The following DLGAP1 variants were observed in gnomAD, a reference collection of about 807,000 sequenced individuals.
The protein encoded by DLGAP1 is DLG associated protein 1.
In DLGAP1, 11 loss-of-function variants were observed where a neutral mutation model predicts 90.8. That is an observed-to-expected ratio of 0.12 (90% CI 0.08 to 0.20). The LOEUF (loss-of-function observed/expected upper bound fraction) is 0.20. Ranked by LOEUF, DLGAP1 falls within the 10% of genes least tolerant of loss-of-function variation. The pLI, the probability that DLGAP1 is intolerant of heterozygous loss-of-function variation, is 1.00. For synonymous variants in DLGAP1, 558 were observed against 540.7 expected, an observed-to-expected ratio of 1.03 and a Z score of -0.44; for missense variants, 1,050 against 1,333.8, an observed-to-expected ratio of 0.79 and a Z score of 3.31.
At position 3,619,314 on chromosome 18, in the gene DLGAP1, C is replaced by G. The variant is rs115158541; in HGVS notation, c.1592-37066G>C. Among the ~76,000 whole-genome samples, 589 of 152,316 alleles carry G rather than the reference C, an allele frequency of 3.9e-3. 1 individual carries two copies. The highest frequency in any genetic ancestry group is 0.013 in the African/African-American group (559 of 41,564). On this transcript the variant is annotated intron_variant, in intron 7 of 12. Transcript: ENST00000315677. The stretch of plus-strand genomic sequence containing the variant: ...AGCAGAAATTTCAACATGCAAGAGT[C>G]TAGCCTTTTAGCGCAGTTTCTCTTT...
chr18:3,897,768 C>T (rs1282957407), intron 3 of DLGAP1, among the ~76,000 whole-genome samples: 2 of 145,476 alleles, frequency 1.4e-5, no homozygotes, highest in South Asian at 2.2e-4. Flanking sequence ...AGAAGTGTTT[C>T]GAATTTCTGA....
intron 8 of DLGAP1, among the ~76,000 whole-genome samples, chr18:3,573,432 A>T (rs1422513443): frequency 6.6e-6 from 1 of 152,038 alleles, no homozygotes; most frequent in African/African-American, 2.4e-5. Context: ...AACCCAGGAG[A>T]TGGAAGTTAC....
chr18:4,133,864 T>G (rs989771860), intron 2 of DLGAP1, among the ~76,000 whole-genome samples: 1 of 151,776 alleles, frequency 6.6e-6, no homozygotes, highest in East Asian at 1.9e-4. Context: ...GTCGAGAGGA[T>G]GTTAGGAAGG....
intron 7 of DLGAP1, among the ~76,000 whole-genome samples, chr18:3,663,455 G>A (rs559767647): frequency 2.3e-4 from 35 of 152,296 alleles, no homozygotes; most frequent in Admixed American, 1.2e-3. Flanking sequence ...TGGCATCTTC[G>A]TTATTCCCTT....
At chr18:3,786,442 A>C (rs1352403591) in intron 5 of DLGAP1, among the ~76,000 whole-genome samples, 1 of 152,244 alleles carries the variant, frequency 6.6e-6, no homozygotes, top group Non-Finnish European at 1.5e-5. Context: ...ACCAGTAAAA[A>C]TTACAGAGGC....
At chr18:3,987,827 G>A (rs1474457471) in intron 3 of DLGAP1, among the ~76,000 whole-genome samples, 1 of 151,930 alleles carries the variant, frequency 6.6e-6, no homozygotes, top group East Asian at 1.9e-4. Flanking sequence ...CTAAGAGTAT[G>A]TGCTATACTT....
intron 1 of DLGAP1, among the ~76,000 whole-genome samples, chr18:4,416,302 G>C (rs1567905019): frequency 6.6e-6 from 1 of 152,098 alleles, no homozygotes; most frequent in Non-Finnish European, 1.5e-5. Flanking sequence ...TTCCATAGAT[G>C]AGCTTATACC....
At chr18:3,835,565 C>T (rs1040740502) in intron 4 of DLGAP1, among the ~76,000 whole-genome samples, 2 of 149,648 alleles carry the variant, frequency 1.3e-5, no homozygotes, top group Non-Finnish European at 3.0e-5. Flanking sequence ...AGGAGAATCG[C>T]TTGAATCTGG....
chr18:3,776,608 C>T lies in DLGAP1; in HGVS notation c.1173-34096G>A, dbSNP rs190662202. Among the ~76,000 whole-genome samples the T allele has an allele frequency of 6.6e-5, 10 of 152,230 alleles. No homozygotes were observed. In the East Asian group the frequency reaches 1.9e-3, roughly 29 times the overall value. On this transcript the variant is annotated intron_variant, in intron 5 of 12. Coordinates refer to ENST00000315677, the MANE Select transcript of DLGAP1 (RefSeq NM_004746.4). ...CCAGAAAGTGAAGATGCTTTTTCTC[C>T]TCACCCCCTGCCTTCCCTGCGCCAG... is the stretch of plus-strand genomic sequence containing the variant.
chr18:3,866,941 C>T (rs1033076847), intron 4 of DLGAP1, among the ~76,000 whole-genome samples: 1 of 152,194 alleles, frequency 6.6e-6, no homozygotes, highest in Admixed American at 6.5e-5. Flanking sequence ...ACCTCTGCTT[C>T]GCGGGTTCAA....
At chr18:3,867,751 A>G (rs1257235880) in intron 4 of DLGAP1, among the ~76,000 whole-genome samples, 2 of 152,182 alleles carry the variant, frequency 1.3e-5, no homozygotes, top group African/African-American at 4.8e-5. Context: ...TAGATTTACA[A>G]ATAGAATCTA....
intron 2 of DLGAP1, among the ~76,000 whole-genome samples, chr18:4,125,375 G>A (rs1042301437): frequency 3.3e-5 from 5 of 152,176 alleles, no homozygotes; most frequent in Admixed American, 2.6e-4. Context: ...TGCCTGAGCT[G>A]AGTCATAACA....
At chr18:4,313,389 GGAGAA>G (rs1182343769) in intron 1 of DLGAP1, among the ~76,000 whole-genome samples, 6 of 152,128 alleles carry the variant, frequency 3.9e-5, no homozygotes, top group Non-Finnish European at 7.3e-5. Flanking sequence ...ACCTGTTTGA[GGAGAA>G]GAGAAGAAAG....
chr18:4,171,328 G>T (rs1239269424), intron 1 of DLGAP1, among the ~76,000 whole-genome samples: 1 of 152,058 alleles, frequency 6.6e-6, no homozygotes, highest in African/African-American at 2.4e-5. Flanking sequence ...GAGGTCAGGA[G>T]ATTGAGACCA....
chr18:3,527,257 T>C (rs2051687103), intron 10 of DLGAP1, among the ~76,000 whole-genome samples: 1 of 152,140 alleles, frequency 6.6e-6, no homozygotes, highest in African/African-American at 2.4e-5. Flanking sequence ...ATTAGCATAA[T>C]GACATCACAA....
chr18:4,028,499 A>C (rs2074740393), intron 2 of DLGAP1, among the ~76,000 whole-genome samples: 1 of 152,202 alleles, frequency 6.6e-6, no homozygotes. Flanking sequence ...AACTAAACAG[A>C]AACTTGCTTA....
intron 1 of DLGAP1, among the ~76,000 whole-genome samples, chr18:4,279,475 C>T (rs1367515668): frequency 6.6e-6 from 1 of 152,176 alleles, no homozygotes; most frequent in African/African-American, 2.4e-5. Context: ...AGAAAAACCA[C>T]ATGGGCTTTA....
At chr18:4,374,809 A>G (rs2081983060) in intron 1 of DLGAP1, among the ~76,000 whole-genome samples, 1 of 152,198 alleles carries the variant, frequency 6.6e-6, no homozygotes, top group Non-Finnish European at 1.5e-5. Context: ...AGTTATTTCA[A>G]CATTGACCAT....
At chr18:3,550,734 CTTTTTTTTT>C (rs1165404588) in intron 9 of DLGAP1, among the ~76,000 whole-genome samples, 2 of 85,204 alleles carry the variant, frequency 2.3e-5, no homozygotes, top group Non-Finnish European at 4.5e-5. Flanking sequence ...GAACCAGACC[CTTTTTTTTT>C]TTTTTTTTTT....
Sources: allele counts gnomAD v4.1 joint callset (sites outside exome capture counted in the v4.1 genomes callset), GRCh38; gene constraint gnomAD v4.1.1; transcripts MANE v1.5; gene names NCBI Gene and HGNC (gene_info 2026-07-23, HGNC 2026-07-21).